Variants in SPATA6 observed in about 807,000 individuals in gnomAD.
SPATA6 encodes the protein spermatogenesis-associated protein 6.
Under a neutral mutation model 65.3 loss-of-function variants are expected in SPATA6, and 56 were observed. The observed-to-expected ratio is 0.86, with a 90% CI of 0.69 to 1.07. The LOEUF is 1.07. Ranked by LOEUF, SPATA6 falls within the 50% of genes least tolerant of loss-of-function variation. SPATA6 has a pLI of 0.00. For synonymous variants in SPATA6, 199 were observed against 213.2 expected (o/e 0.93, Z 0.58); for missense variants, 590 against 594.8 (o/e 0.99, Z 0.08).
the SPATA6 span, among the ~76,000 whole-genome samples, chr1:48,266,179 A>C: frequency 6.6e-6 from 1 of 152,212 alleles, no homozygotes. Flanking sequence ...CAAACATATT[A>C]AAAATGTTTA....
At chr1:48,290,516 T>C (rs1335611093), downstream of SPATA6, among the ~76,000 whole-genome samples, 1 of 152,134 alleles carries the variant, frequency 6.6e-6, no homozygotes, top group African/African-American at 2.4e-5. Flanking sequence ...TAAATGTAAA[T>C]GGGCTAAATG....
In SPATA6 at chr1:48,425,414, T is replaced by C. The variant is rs374626860; in HGVS notation, c.239-12263A>G. 1.4e-4 allele frequency among the ~76,000 whole-genome samples: 21 copies of C among 152,182 alleles called. 1 individual carries two copies. The highest frequency in any genetic ancestry group is 5.1e-4 in the African/African-American group (21 of 41,462). ...TTTGTATTTCAGTGAGTGGTGGTTATATGGTTATATACAAATGTCAATAGT... is the reference window on the plus strand; with the variant it reads ...TTTGTATTTCAGTGAGTGGTGGTTACATGGTTATATACAAATGTCAATAGT... On this transcript the variant is annotated intron_variant, in intron 3 of 12. Coordinates refer to ENST00000371847, the MANE Select transcript of SPATA6 (RefSeq NM_019073.4).
intron 1 of SPATA6, among the ~76,000 whole-genome samples, chr1:48,459,204 CAAAAAAAA>C (rs35079974): frequency 4.5e-5 from 3 of 66,394 alleles, no homozygotes; most frequent in African/African-American, 1.6e-4. Flanking sequence ...GACTCCATAT[CAAAAAAAA>C]AAAAAAAAAA....
intron 1 of SPATA6, among the ~76,000 whole-genome samples, chr1:48,464,371 C>G (rs1657661770): frequency 6.6e-6 from 1 of 152,102 alleles, no homozygotes; most frequent in Non-Finnish European, 1.5e-5. Context: ...TGTCTATTTT[C>G]AAACAACGTC....
At chr1:48,330,033 G>A (rs1444618718) in intron 11 of SPATA6, among the ~76,000 whole-genome samples, 1 of 152,206 alleles carries the variant, frequency 6.6e-6, no homozygotes, top group African/African-American at 2.4e-5. Flanking sequence ...AAACCCAATA[G>A]AGGCTGCAGT....
chr1:48,371,063 A>G (rs1250901969), intron 9 of SPATA6, among the ~76,000 whole-genome samples: 1 of 152,214 alleles, frequency 6.6e-6, no homozygotes, highest in Middle Eastern at 3.2e-3. Context: ...CCATATATGG[A>G]AAAATTATAA....
chr1:48,387,967 A>G (rs1570415850), intron 8 of SPATA6, among the ~76,000 whole-genome samples: 1 of 152,294 alleles, frequency 6.6e-6, no homozygotes, highest in East Asian at 1.9e-4. Context: ...GAACCTGTCC[A>G]TCTGCCTGGC....
Position 48,422,887 on chromosome 1 carries a change from C to CA in SPATA6, c.239-9737dup, listed in dbSNP as rs563254502. On this transcript the variant is annotated intron_variant, in intron 3 of 12. Transcript: ENST00000371847. The stretch of plus-strand genomic sequence containing the variant: ...AAAAGAACTAAGTATATCTCTTTAC[C>CA]AAAAGATATTTATAAGAATGCTCAC... Among the ~76,000 whole-genome samples, 81 of 151,990 alleles carry CA rather than the reference C, an allele frequency of 5.3e-4. 1 individual carries two copies. In the South Asian group the frequency reaches 0.016, roughly 30 times the overall value.
At chr1:48,326,450 A>G (rs1366801732) in intron 11 of SPATA6, among the ~76,000 whole-genome samples, 1 of 151,976 alleles carries the variant, frequency 6.6e-6, no homozygotes, top group Non-Finnish European at 1.5e-5. Context: ...CAGATTCAAC[A>G]CAATTCCTAT....
intron 11 of SPATA6, among the ~76,000 whole-genome samples, chr1:48,341,498 T>A (rs1646213958): frequency 6.6e-6 from 1 of 152,176 alleles, no homozygotes; most frequent in Admixed American, 6.5e-5. Flanking sequence ...TCAGATTGAC[T>A]GTGGTAGTAT....
intron 11 of SPATA6, among the ~76,000 whole-genome samples, chr1:48,308,912 GTCTAAC>G (rs1156702028): frequency 6.6e-6 from 1 of 151,948 alleles, no homozygotes; most frequent in Non-Finnish European, 1.5e-5. Flanking sequence ...TAGATATAGG[GTCTAAC>G]TCTGTCACCC....
intron 8 of SPATA6, among the ~76,000 whole-genome samples, chr1:48,385,944 T>G (rs1649416580): frequency 6.6e-6 from 1 of 152,180 alleles, no homozygotes; most frequent in Admixed American, 6.5e-5. Context: ...TTATATAAGA[T>G]CTTACACGTA....
chr1:48,335,337 CA>C (rs111941315), intron 11 of SPATA6, among the ~76,000 whole-genome samples: 18 of 142,832 alleles, frequency 1.3e-4, no homozygotes, highest in African/African-American at 3.7e-4. Flanking sequence ...CAATCCTAGG[CA>C]AAAAAAAAAG....
intron 3 of SPATA6, chr1:48,435,839 T>C: frequency 9.7e-7 from 1 of 1,035,716 alleles, no homozygotes; most frequent in Non-Finnish European, 1.5e-6. Flanking sequence ...GCTGGCAGCC[T>C]GAAGAGAGTC....
chr1:48,397,482 T>G (rs945130468), intron 7 of SPATA6, among the ~76,000 whole-genome samples: 40 of 151,766 alleles, frequency 2.6e-4, no homozygotes, highest in African/African-American at 9.7e-4. Flanking sequence ...TTAAAACTGT[T>G]TCCTTATTCT....
chr1:48,376,029 A>G (rs546839460), intron 9 of SPATA6, among the ~76,000 whole-genome samples: 6 of 152,322 alleles, frequency 3.9e-5, no homozygotes, highest in Non-Finnish European at 8.8e-5. Context: ...AATTAAAAAT[A>G]TAAAATGTTA....
chr1:48,458,834 G>T (rs1276800483), intron 1 of SPATA6, among the ~76,000 whole-genome samples: 1 of 152,096 alleles, frequency 6.6e-6, no homozygotes, highest in African/African-American at 2.4e-5. Flanking sequence ...ATATGGTGAT[G>T]AAAATGTTCT....
chr1:48,370,598 A>C (rs1451757619), intron 9 of SPATA6, among the ~76,000 whole-genome samples: 1 of 152,254 alleles, frequency 6.6e-6, no homozygotes, highest in Non-Finnish European at 1.5e-5. Context: ...AATAATTCCC[A>C]AATATATCAG....
intron 5 of SPATA6, among the ~76,000 whole-genome samples, chr1:48,407,440 A>T (rs1326002327): frequency 1.3e-5 from 2 of 152,112 alleles, no homozygotes; most frequent in African/African-American, 4.8e-5. Flanking sequence ...GGGTTTCTTC[A>T]TCTGCTCCAA....
Sources: allele counts gnomAD v4.1 joint callset (sites outside exome capture counted in the v4.1 genomes callset), GRCh38; gene constraint gnomAD v4.1.1; transcripts MANE v1.5; gene names NCBI Gene and HGNC (gene_info 2026-07-23, HGNC 2026-07-21).